VPS50: variants seen among roughly 807,000 people sequenced by gnomAD.
VPS50 encodes the protein VPS50 subunit of EARP/GARPII complex.
A neutral mutation model predicts 139.7 loss-of-function variants in VPS50; 70 were observed. The observed-to-expected ratio is 0.50, with a 90% CI of 0.41 to 0.61. The LOEUF is 0.61. VPS50 is among the 20% of genes least tolerant of loss of function. VPS50 has a pLI of 0.00. For missense variants in VPS50, 921 were observed against 1,133.7 expected (o/e 0.81, Z 2.69); for synonymous variants, 365 against 376.7 (o/e 0.97, Z 0.36).
intron 20 of VPS50, among the ~76,000 whole-genome samples, chr7:93,318,520 T>G (rs912713078): frequency 6.6e-6 from 1 of 152,342 alleles, no homozygotes; most frequent in South Asian, 2.1e-4. Context: ...CAAATTAGTG[T>G]ACTGAAATAA....
chr7:93,256,487 G>T, intron 4 of VPS50, 22 bp from the exon 5 acceptor site: 1 of 1,201,730 alleles, frequency 8.3e-7, no homozygotes, highest in Non-Finnish European at 1.2e-6. Flanking sequence ...TATTTCCTTT[G>T]TTTGATTACA....
chr7:93,246,263 T>G (rs556549825), intron 2 of VPS50: 387 of 656,572 alleles, frequency 5.9e-4, no homozygotes, highest in Non-Finnish European at 9.1e-4. Flanking sequence ...CTTGTAAAAT[T>G]TCTCCACTTT....
At chr7:93,332,664 A>C (rs1396212607) in intron 21 of VPS50, among the ~76,000 whole-genome samples, 2 of 152,244 alleles carry the variant, frequency 1.3e-5, no homozygotes, top group Non-Finnish European at 2.9e-5. Context: ...AAGGACACAC[A>C]CATGAATGTT....
At chr7:93,282,533 C>T (rs910820832) in intron 12 of VPS50, among the ~76,000 whole-genome samples, 1 of 152,320 alleles carries the variant, frequency 6.6e-6, no homozygotes, top group South Asian at 2.1e-4. Flanking sequence ...TCAATTTACA[C>T]TCCTGATCAG....
intron 21 of VPS50, among the ~76,000 whole-genome samples, chr7:93,331,476 C>A (rs376042726): frequency 2.7e-4 from 41 of 151,720 alleles, no homozygotes; most frequent in African/African-American, 9.7e-4. Flanking sequence ...AGCACTAAGG[C>A]AGTTCATTAG....
intron 17 of VPS50, among the ~76,000 whole-genome samples, chr7:93,303,930 A>G (rs987143775): frequency 3.3e-5 from 5 of 151,902 alleles, no homozygotes; most frequent in African/African-American, 9.6e-5. Flanking sequence ...TTATATTTGT[A>G]GAATATTTTT....
chr7:93,349,803 G>C, intron 24 of VPS50, 72 bp from the exon 25 acceptor site: 1 of 1,106,276 alleles, frequency 9.0e-7, no homozygotes, highest in East Asian at 2.4e-5. Context: ...ACTGGAAACA[G>C]GGGCAAGTAT....
At chr7:93,350,284 C>T (rs1798519930) in intron 25 of VPS50, among the ~76,000 whole-genome samples, 1 of 152,150 alleles carries the variant, frequency 6.6e-6, no homozygotes, top group Non-Finnish European at 1.5e-5. Flanking sequence ...GGCTGACTTT[C>T]ATATTATGTA....
At chr7:93,331,272 A>G (rs1434103208) in intron 21 of VPS50, among the ~76,000 whole-genome samples, 1 of 148,672 alleles carries the variant, frequency 6.7e-6, no homozygotes, top group East Asian at 1.9e-4. Context: ...AGTTTATTTT[A>G]AAATTGATAC....
chr7:93,235,181 A>G (rs1231098923), intron 1 of VPS50, among the ~76,000 whole-genome samples: 2 of 152,140 alleles, frequency 1.3e-5, no homozygotes, highest in Non-Finnish European at 2.9e-5. Flanking sequence ...GCAAATGCAG[A>G]GGTCCTGAGG....
chr7:93,346,635 C>A (rs1798403164), intron 23 of VPS50, among the ~76,000 whole-genome samples: 1 of 151,822 alleles, frequency 6.6e-6, no homozygotes, highest in Non-Finnish European at 1.5e-5. Context: ...AGATATAGAT[C>A]AATGGAACAG....
At position 93,257,425 on chromosome 7, in the gene VPS50, G is replaced by C; in HGVS notation, c.383G>C (p.Gly128Ala). The part of the protein sequence containing the change: ...ELERVTSLQT[G>A]LQLAAVICTN... ...GAAAGAGTTACCTCATTGCAGACAGGTCTTCAATTAGCTGCTGTTATCTGT... is the reference window on the plus strand; with the variant it reads ...GAAAGAGTTACCTCATTGCAGACAGCTCTTCAATTAGCTGCTGTTATCTGT... Residue 128 changes from glycine (G) to alanine (A), a missense_variant, in exon 6 of 28, where the codon GGT (glycine) becomes GCT (alanine). Coordinates refer to ENST00000305866, the MANE Select transcript of VPS50 (RefSeq NM_017667.4). 6.2e-7 allele frequency: 1 copy of C among 1,605,788 alleles called. No individual in the cohort carries two copies. The highest frequency in any genetic ancestry group is 8.5e-7 in the Non-Finnish European group (1 of 1,173,644).
intron 2 of VPS50, among the ~76,000 whole-genome samples, chr7:93,246,759 T>C (rs1584382744): frequency 6.6e-6 from 1 of 151,966 alleles, no homozygotes; most frequent in African/African-American, 2.4e-5. Flanking sequence ...GTAGTCTCTC[T>C]TTTTTTCCTC....
chr7:93,338,434 A>G (rs1255341103), intron 22 of VPS50, among the ~76,000 whole-genome samples: 1 of 152,196 alleles, frequency 6.6e-6, no homozygotes, highest in Non-Finnish European at 1.5e-5. Context: ...CCCTCTGGAA[A>G]GGAACATTGA....
chr7:93,295,615 A>AAGACTATAGACCCTTGG (rs1427488434), intron 14 of VPS50, among the ~76,000 whole-genome samples: 3 of 152,130 alleles, frequency 2.0e-5, no homozygotes, highest in Non-Finnish European at 4.4e-5. Context: ...TGAACCTTGG[A>AAGACTATAGACCCTTGG]AGACTATAGA....
chr7:93,235,859 A>G (rs981281216), intron 1 of VPS50, among the ~76,000 whole-genome samples: 5 of 152,204 alleles, frequency 3.3e-5, no homozygotes, highest in Non-Finnish European at 5.9e-5. Flanking sequence ...TCTGGGAGTT[A>G]CAAACATGTA....
chr7:93,256,716 T>G (rs966272813), intron 5 of VPS50, among the ~76,000 whole-genome samples, 154 bp downstream of exon 5: 8 of 152,102 alleles, frequency 5.3e-5, no homozygotes. Flanking sequence ...TGTATGTATA[T>G]TTTTCTTTTT....
chr7:93,327,341 T>A (rs889699800), intron 21 of VPS50, among the ~76,000 whole-genome samples: 8 of 152,068 alleles, frequency 5.3e-5, no homozygotes, highest in Non-Finnish European at 4.4e-5. Context: ...GACAGAACAG[T>A]TCCAGACCAC....
intron 23 of VPS50, among the ~76,000 whole-genome samples, chr7:93,347,727 C>CA (rs890773185): frequency 1.4e-5 from 2 of 146,054 alleles, no homozygotes; most frequent in East Asian, 2.1e-4. Context: ...ATCGCAAGAA[C>CA]AAAAAACCAA....
Sources: allele counts gnomAD v4.1 joint callset (sites outside exome capture counted in the v4.1 genomes callset), GRCh38; gene constraint gnomAD v4.1.1; transcripts MANE v1.5; gene names NCBI Gene and HGNC (gene_info 2026-07-23, HGNC 2026-07-21).